The following EPHA6 variants were observed in gnomAD, a reference collection of about 807,000 sequenced individuals.
EPHA6 encodes the protein ephrin type-A receptor 6.
EPHA6 carries 50 observed loss-of-function variants against 112.0 expected under a neutral mutation model. The ratio of observed to expected loss-of-function variants is 0.45; its 90% confidence interval spans 0.36 to 0.56. The LOEUF is 0.56. EPHA6 is among the 20% of genes least tolerant of loss of function. EPHA6 has a pLI of 0.00. For missense variants in EPHA6, 1,280 were observed against 1,417.4 expected (o/e 0.90, Z 1.56); for synonymous variants, 529 against 490.7 (o/e 1.08, Z -1.03).
At chr3:97,514,648 T>C (rs2092418719) in intron 10 of EPHA6, among the ~76,000 whole-genome samples, 1 of 152,184 alleles carries the variant, frequency 6.6e-6, no homozygotes, top group African/African-American at 2.4e-5. Flanking sequence ...ACTTATAGTA[T>C]GACTATGTTT....
At chr3:96,891,234 T>C (rs1049040096) in intron 2 of EPHA6, among the ~76,000 whole-genome samples, 8 of 152,088 alleles carry the variant, frequency 5.3e-5, no homozygotes, top group African/African-American at 1.9e-4. Flanking sequence ...TGTCTAGGCA[T>C]AAAAATACTA....
chr3:96,853,144 A>G (rs1191837268), intron 1 of EPHA6, among the ~76,000 whole-genome samples: 2 of 152,154 alleles, frequency 1.3e-5, no homozygotes, highest in South Asian at 2.1e-4. Flanking sequence ...ATAAAGGCAT[A>G]TTATCAAAAT....
rs895043117 is a variant in EPHA6, at chr3:97,761,363, C to CT, written c.*12663dup. The CT allele has an allele frequency of 1.0e-4, 19 of 186,952 alleles. No individual in the cohort carries two copies. Among genetic ancestry groups the CT allele is most frequent in the African/African-American group, 4.0e-4 (17 of 42,798 alleles). 11.6% of individuals were successfully genotyped at this position (186,952 alleles called of 1,614,324 possible). A position where few individuals can be genotyped will look rare whatever the true frequency, so the allele number is the denominator to read the frequency against. ...CTGAAAGAATATGCTGTTTAGCAAA[C>CT]TACCTGCTGAGCAACATAATAAGAT... On this transcript the variant is annotated 3_prime_UTR_variant, in exon 18 of 18. Coordinates refer to ENST00000389672, the MANE Select transcript of EPHA6 (RefSeq NM_001080448.3).
chr3:97,729,125 G>A (rs2034916562), intron 15 of EPHA6, among the ~76,000 whole-genome samples: 1 of 151,954 alleles, frequency 6.6e-6, no homozygotes, highest in Non-Finnish European at 1.5e-5. Context: ...CAACAAATTA[G>A]TCTCTGAAAA....
chr3:97,058,330 T>C (rs1305579131), intron 3 of EPHA6, among the ~76,000 whole-genome samples: 2 of 152,058 alleles, frequency 1.3e-5, no homozygotes, highest in Non-Finnish European at 2.9e-5. Context: ...CAAGTTTTGC[T>C]GTTGTTACCC....
intron 3 of EPHA6, among the ~76,000 whole-genome samples, chr3:97,102,844 C>T (rs1481932194): frequency 1.3e-5 from 2 of 151,954 alleles, no homozygotes; most frequent in African/African-American, 4.8e-5. Context: ...GTTGGTATCT[C>T]ATTGTGGTTT....
intron 11 of EPHA6, among the ~76,000 whole-genome samples, chr3:97,553,111 AG>A (rs1261794390): frequency 6.6e-6 from 1 of 152,102 alleles, no homozygotes; most frequent in African/African-American, 2.4e-5. Flanking sequence ...TTATACAAAA[AG>A]TTTTGCAAAA....
intron 1 of EPHA6, among the ~76,000 whole-genome samples, chr3:96,852,602 C>CAAA (rs562944142): frequency 1.9e-5 from 2 of 106,140 alleles, no homozygotes; most frequent in South Asian, 3.4e-4. Context: ...GTATCTTATC[C>CAAA]AAAAAAAAAA....
chr3:97,547,176 G>A (rs998475406), intron 11 of EPHA6, among the ~76,000 whole-genome samples: 1 of 152,118 alleles, frequency 6.6e-6, no homozygotes, highest in African/African-American at 2.4e-5. Flanking sequence ...CTGCTCTGTT[G>A]TTTTCCCATC....
At chr3:97,073,078 T>C (rs1033368290) in intron 3 of EPHA6, among the ~76,000 whole-genome samples, 9 of 152,166 alleles carry the variant, frequency 5.9e-5, no homozygotes, top group Admixed American at 4.6e-4. Flanking sequence ...TCTTCTGTTA[T>C]CCTTTTTATG....
chr3:97,608,804 A>G (rs1576058456), intron 12 of EPHA6, among the ~76,000 whole-genome samples: 1 of 151,344 alleles, frequency 6.6e-6, no homozygotes, highest in African/African-American at 2.4e-5. Flanking sequence ...GCATCACTGG[A>G]AAGAATTGAC....
chr3:97,143,362 T>G (rs2075958839), intron 3 of EPHA6, among the ~76,000 whole-genome samples: 1 of 151,738 alleles, frequency 6.6e-6, no homozygotes, highest in African/African-American at 2.4e-5. Flanking sequence ...ATGCATTATG[T>G]TCTCACAATT....
Position 97,224,949 on chromosome 3 carries a change from T to TTTTG in EPHA6, c.1115-1295_1115-1292dup, listed in dbSNP as rs553730421. Among the ~76,000 whole-genome samples, 916 of 152,064 alleles carry TTTTG rather than the reference T, an allele frequency of 6.0e-3. 3 individuals are homozygous for TTTTG. Among genetic ancestry groups the TTTTG allele is most frequent in the African/African-American group, 0.02 (843 of 41,488 alleles). On this transcript the variant is annotated intron_variant, in intron 3 of 17. Transcript: ENST00000389672. ...TTTTTTTTTTTGCTTTTTTGGGTTT[T>TTTTG]TTTGTTTGTTTGTTTGTTTGTTTTG...
At chr3:97,639,515 A>G (rs909879850) in intron 14 of EPHA6, among the ~76,000 whole-genome samples, 13 of 152,166 alleles carry the variant, frequency 8.5e-5, no homozygotes, top group African/African-American at 2.7e-4. Flanking sequence ...AAAAATTGCA[A>G]CAAATACAAT....
intron 3 of EPHA6, among the ~76,000 whole-genome samples, chr3:97,109,712 C>T (rs1015232264): frequency 2.6e-5 from 4 of 152,116 alleles, no homozygotes; most frequent in Non-Finnish European, 5.9e-5. Context: ...TCATTAACTG[C>T]AGAATATTTA....
At chr3:97,484,534 C>G (rs2091649349) in intron 10 of EPHA6, among the ~76,000 whole-genome samples, 1 of 152,168 alleles carries the variant, frequency 6.6e-6, no homozygotes, top group Non-Finnish European at 1.5e-5. Flanking sequence ...ATTTTCCAAT[C>G]TTAGAACATT....
chr3:97,495,780 A>G (rs1443446602), intron 10 of EPHA6, among the ~76,000 whole-genome samples: 1 of 151,926 alleles, frequency 6.6e-6, no homozygotes, highest in Non-Finnish European at 1.5e-5. Context: ...TTGTTTTTTC[A>G]TTATTGGAAT....
intron 5 of EPHA6, among the ~76,000 whole-genome samples, chr3:97,255,464 T>C (rs2079280695): frequency 6.6e-6 from 1 of 152,178 alleles, no homozygotes; most frequent in Admixed American, 6.5e-5. Context: ...GTTCAAACCC[T>C]TAACATTTGC....
intron 8 of EPHA6, among the ~76,000 whole-genome samples, chr3:97,475,798 A>G (rs1053677120): frequency 6.6e-6 from 1 of 152,168 alleles, no homozygotes; most frequent in Non-Finnish European, 1.5e-5. Flanking sequence ...AATTTATAGA[A>G]AAACTCTTTA....
Sources: gnomAD v4.1 joint callset for allele counts (sites outside exome capture counted in the v4.1 genomes callset) on GRCh38, gnomAD v4.1.1 for gene constraint, MANE v1.5 for transcripts, NCBI Gene and HGNC (gene_info 2026-07-23, HGNC 2026-07-21) for gene names.